Variants in CRYZL1 observed in about 807,000 individuals in gnomAD.
The protein encoded by CRYZL1 is ferry endosomal RAB5 effector complex subunit 4.
In CRYZL1, 34 loss-of-function variants were observed where a neutral mutation model predicts 50.6. The ratio of observed to expected loss-of-function variants is 0.67; its 90% CI spans 0.51 to 0.89. The LOEUF (loss-of-function observed/expected upper bound fraction) is 0.89, where lower values mean the gene tolerates loss of function less well. Among genes scored for constraint, CRYZL1 ranks in the 40% least tolerant of loss-of-function variants. The probability of loss-of-function intolerance (pLI) is 0.00; values close to 1 mark genes in which losing one functional copy is unlikely to be tolerated. For missense variants in CRYZL1, 354 were observed against 402.3 expected, an observed-to-expected ratio of 0.88 and a Z score of 1.03; for synonymous variants, 125 against 134.3, an observed-to-expected ratio of 0.93 and a Z score of 0.48.
At chr21:33,604,064 G>T (rs1271352636) in intron 6 of CRYZL1, among the ~76,000 whole-genome samples, 1 of 151,082 alleles carries the variant, frequency 6.6e-6, no homozygotes, top group Non-Finnish European at 1.5e-5. Context: ...CATCCTGACT[G>T]ACACGGTGAA....
chr21:33,603,083 G>C (rs1035264016), intron 7 of CRYZL1: 2 of 249,630 alleles, frequency 8.0e-6, no homozygotes, highest in Admixed American at 4.7e-5. Flanking sequence ...GTGGGAAATA[G>C]GCTACAAAGC....
intron 1 of CRYZL1, 98 bp downstream of exon 1, chr21:33,641,582 AC>A: frequency 3.0e-6 from 1 of 334,864 alleles, no homozygotes. Flanking sequence ...GACGCGAACC[AC>A]CATCCTCCCC....
intron 11 of CRYZL1, 130 bp downstream of exon 11, chr21:33,595,601 G>A: frequency 7.0e-7 from 1 of 1,431,238 alleles, no homozygotes; most frequent in Non-Finnish European, 9.6e-7. Context: ...TACTTGCAAG[G>A]CACTTGGAAT....
intron 1 of CRYZL1, among the ~76,000 whole-genome samples, chr21:33,637,668 C>T (rs1025280800): frequency 2.0e-4 from 30 of 151,464 alleles, no homozygotes; most frequent in African/African-American, 6.8e-4. Flanking sequence ...ACTATGGCCA[C>T]TCCAGGTTCA....
rs904128129 is a variant in CRYZL1 at position 33,601,929 on chromosome 21, A to T, written c.577+305T>A. On this transcript the variant is annotated intron_variant, in intron 8 of 12. Coordinates refer to ENST00000381554, the MANE Select transcript of CRYZL1 (RefSeq NM_145858.3). ...GAGACCCTGTTTCAAAAAAAAAAAA[A>T]AAAGCAAATTGGGAGATAGCACATA... Among the ~76,000 whole-genome samples the T allele has an allele frequency of 1.3e-5, 2 of 152,014 alleles. 1 individual carries two copies. The highest frequency in any genetic ancestry group is 4.8e-5 in the African/African-American group (2 of 41,416).
intron 6 of CRYZL1, among the ~76,000 whole-genome samples, chr21:33,611,246 G>A (rs2086870362): frequency 6.6e-6 from 1 of 152,282 alleles, no homozygotes; most frequent in South Asian, 2.1e-4. Flanking sequence ...CTCTGGATTA[G>A]AGACTCTCAC....
chr21:33,639,399 C>CTA (rs1341058667), intron 1 of CRYZL1, among the ~76,000 whole-genome samples: 1 of 152,114 alleles, frequency 6.6e-6, no homozygotes, highest in Non-Finnish European at 1.5e-5. Flanking sequence ...TCTTATTTTC[C>CTA]TATATTGTAC....
intron 2 of CRYZL1, among the ~76,000 whole-genome samples, chr21:33,628,607 T>C (rs541915641): frequency 1.4e-5 from 2 of 147,610 alleles, no homozygotes; most frequent in Non-Finnish European, 3.0e-5. Flanking sequence ...TTCTTTCTTT[T>C]TTTTTTTTTT....
At chr21:33,630,554 C>T (rs1485007305) in intron 2 of CRYZL1, among the ~76,000 whole-genome samples, 3 of 151,472 alleles carry the variant, frequency 2.0e-5, no homozygotes, top group African/African-American at 2.4e-5. Flanking sequence ...CCACTGCCCT[C>T]CAGCCTGGGC....
intron 12 of CRYZL1, 90 bp from the exon 13 acceptor site, chr21:33,590,011 C>G (rs2086626804): frequency 8.7e-6 from 6 of 691,354 alleles, no homozygotes; most frequent in Non-Finnish European, 1.5e-5. Flanking sequence ...GTGCTCAAAT[C>G]TATTAGTGTA....
chr21:33,616,830 A>C (rs1476307375), intron 4 of CRYZL1, 80 bp from the exon 5 acceptor site: 1 of 1,265,706 alleles, frequency 7.9e-7, no homozygotes, highest in East Asian at 2.7e-5. Context: ...CATTTTTAAA[A>C]TCTGTGGATT....
Position 33,641,694 on chromosome 21 carries a change from G to T in CRYZL1, c.-20C>A, listed in dbSNP as rs1028287804. On this transcript the variant is annotated 5_prime_UTR_variant, in exon 1 of 13. Transcript: ENST00000381554. ...CCCGGGGCTCACCTGCCTCTGAGCC[G>T]CCCCAACGGCCTGCACCTTCACCAC... is the stretch of plus-strand genomic sequence containing the variant. 3 of 167,320 alleles carry T rather than the reference G, an allele frequency of 1.8e-5. No homozygotes were observed. The highest frequency in any genetic ancestry group is 3.9e-5 in the Non-Finnish European group (3 of 76,986). 10.4% of individuals were successfully genotyped at this position (167,320 alleles called of 1,614,324 possible).
chr21:33,638,780 T>C (rs556214537), intron 1 of CRYZL1, among the ~76,000 whole-genome samples: 8 of 152,324 alleles, frequency 5.3e-5, no homozygotes, highest in African/African-American at 1.9e-4. Context: ...ATAAGAACTT[T>C]AGGCATTATA....
At chr21:33,594,452 G>T (rs954566548) in intron 11 of CRYZL1, 66 of 151,928 alleles carry the variant, frequency 4.3e-4, no homozygotes, top group African/African-American at 1.4e-3. Context: ...GAGCCACTGT[G>T]CCAGCTCATG....
At chr21:33,640,447 G>C (rs946925305) in intron 1 of CRYZL1, among the ~76,000 whole-genome samples, 10 of 151,840 alleles carry the variant, frequency 6.6e-5, no homozygotes, top group Admixed American at 1.3e-4. Context: ...ATGACTTTGG[G>C]CTACTTAATT....
rs1196234196 is a variant in CRYZL1, at chr21:33,589,670, G to A, written c.*152C>T. ...AGAATTTTTCAAACACTTTTCAAATGTGTCAACTGAGCATCTTGTCTTAGC... is the reference window on the plus strand; with the variant it reads ...AGAATTTTTCAAACACTTTTCAAATATGTCAACTGAGCATCTTGTCTTAGC... On this transcript the variant is annotated 3_prime_UTR_variant, in exon 13 of 13. Transcript: ENST00000381554. 17 of 593,532 alleles carry A rather than the reference G, an allele frequency of 2.9e-5. No homozygotes were observed. The highest frequency in any genetic ancestry group is 4.6e-5 in the Non-Finnish European group (15 of 326,676). The allele number at this position is 593,532 out of a possible 1,614,324, so 36.8% of individuals were successfully genotyped here.
chr21:33,595,322 T>G (rs1355590616), intron 11 of CRYZL1: 28 of 1,134,066 alleles, frequency 2.5e-5, no homozygotes, highest in Non-Finnish European at 3.1e-5. Flanking sequence ...AATGTTTCTG[T>G]GCAATGGCAC....
At chr21:33,606,582 C>T (rs1489579991) in intron 6 of CRYZL1, among the ~76,000 whole-genome samples, 4 of 151,584 alleles carry the variant, frequency 2.6e-5, no homozygotes, top group Admixed American at 6.6e-5. Context: ...GCTGAGATCG[C>T]GCCATTGCAC....
intron 11 of CRYZL1, 51 bp downstream of exon 11, chr21:33,595,680 G>A (rs775437305): frequency 1.2e-6 from 2 of 1,607,196 alleles, no homozygotes; most frequent in African/African-American, 2.7e-5. Flanking sequence ...AAAGAACTTA[G>A]TACAGTACAA....
Sources: allele counts gnomAD v4.1 joint callset (sites outside exome capture counted in the v4.1 genomes callset), GRCh38; gene constraint gnomAD v4.1.1; transcripts MANE v1.5; gene names NCBI Gene and HGNC (gene_info 2026-07-23, HGNC 2026-07-21).